The following HSPA1L variants were observed in gnomAD, a reference collection of about 807,000 sequenced individuals.
The protein encoded by HSPA1L is heat shock protein family A (Hsp70) member 1 like.
HSPA1L carries 21 observed loss-of-function variants against 31.5 expected under a neutral mutation model. The observed-to-expected ratio is 0.67, with a 90% CI of 0.47 to 0.96. The LOEUF is 0.96. Among genes scored for constraint, HSPA1L ranks in the 40% least tolerant of loss-of-function variants. HSPA1L has a pLI of 0.00. For missense variants in HSPA1L, 709 were observed against 813.4 expected (o/e 0.87, Z 1.56); for synonymous variants, 293 against 323.1 (o/e 0.91, Z 1.00).
rs1222406248 is a variant in HSPA1L at position 31,810,679 on chromosome 6, T to C, written c.1294A>G (p.Thr432Ala). 9 of 1,613,950 alleles carry C rather than the reference T, an allele frequency of 5.6e-6. 2 individuals are homozygous for C. The South Asian group carries it at 9.9e-5, about 18-fold the overall frequency. ...IPTKQTQIFT[T>A]YSDNQPGVLI... is the part of the protein sequence containing the mutation. ...ACCCCGGGTTGGTTGTCAGAGTAGGTGGTGAAAATCTGTGTCTGCTTGGTG... is the reference window on the plus strand; with the variant it reads ...ACCCCGGGTTGGTTGTCAGAGTAGGCGGTGAAAATCTGTGTCTGCTTGGTG... Residue 432 changes from threonine to alanine, a missense_variant, in exon 2 of 2, where the codon ACC becomes GCC. Thr to Ala is a moderately conservative substitution (Grantham distance 58). Coordinates refer to ENST00000375654, the MANE Select transcript of HSPA1L (RefSeq NM_005527.4).
intron 1 of HSPA1L, among the ~76,000 whole-genome samples, chr6:31,814,374 T>C (rs1398884520): frequency 6.6e-6 from 1 of 151,864 alleles, no homozygotes; most frequent in African/African-American, 2.4e-5. Context: ...CCGGGCGCGG[T>C]GGCGGGCGCC....
At position 31,810,010 on chromosome 6, in the gene HSPA1L, G is replaced by T. The variant is rs763160909; in HGVS notation, c.*37C>A. The T allele has an allele frequency of 3.7e-6, 5 of 1,361,536 alleles. No homozygotes were observed. The Admixed American group carries it at 1.4e-4, about 37-fold the overall frequency. 84.3% of individuals were successfully genotyped at this position (1,361,536 alleles called of 1,614,324 possible). ...TGAAGATGAGGGGAATGAAATACAT[G>T]TAGAGGCATCCTAGGATGCTTCAGT... On this transcript the variant is annotated 3_prime_UTR_variant, in exon 2 of 2. Transcript: ENST00000375654.
chr6:31,810,750 G>A lies in HSPA1L; in HGVS notation c.1223C>T (p.Ala408Val). The A allele has an allele frequency of 6.2e-7, 1 of 1,614,052 alleles. No individual in the cohort carries two copies. The highest frequency in any genetic ancestry group is 8.5e-7 in the Non-Finnish European group (1 of 1,180,008). Reference sequence around the variant, plus strand: ...TATCAGGGCAGTCATCACGCCCCCAGCCGTCTCCAGCCCCAGGGACAGGGG... The same window carrying A: ...TATCAGGGCAGTCATCACGCCCCCAACCGTCTCCAGCCCCAGGGACAGGGG... ...VAPLSLGLET[A>V]GGVMTALIKR... is the part of the protein sequence containing the mutation. The change falls in exon 2 of 2, where the codon GCT (alanine) becomes GTT (valine). Residue 408 changes from alanine to valine, a missense_variant. Coordinates refer to ENST00000375654, the MANE Select transcript of HSPA1L (RefSeq NM_005527.4).
At position 31,811,698 on chromosome 6, in the gene HSPA1L, C is replaced by T; in HGVS notation, c.275G>A (p.Trp92Ter). ...TCCTTCATTAATCACTTGAAAAGGC[C>T]AAAGTTTCATATCTGCTTGTACAAC... ...DPVVQADMKL[W>*]PFQVINEGGK... is the part of the protein sequence containing the mutation. Residue 92 changes from tryptophan (W) to a stop codon, truncating the protein, a stop_gained, in exon 2 of 2, where the codon TGG (tryptophan) becomes TAG (stop). Transcript: ENST00000375654. LOFTEE classifies it high-confidence loss of function. The T allele has an allele frequency of 6.2e-7, 1 of 1,614,136 alleles. No homozygotes were observed. Among genetic ancestry groups the T allele is most frequent in the Non-Finnish European group, 8.5e-7 (1 of 1,180,030 alleles).
Position 31,811,762 on chromosome 6 carries a change from C to CAA in HSPA1L, c.209_210dup (p.Asp71LeufsTer6), listed in dbSNP as rs781443695. 6.2e-7 allele frequency: 1 copy of CAA among 1,614,188 alleles called. No homozygotes were observed. Among genetic ancestry groups the CAA allele is most frequent in the South Asian group, 1.1e-5 (1 of 91,084 alleles). On this transcript the variant is annotated frameshift_variant, in exon 2 of 2. Coordinates refer to ENST00000375654, the MANE Select transcript of HSPA1L (RefSeq NM_005527.4). LOFTEE classifies it high-confidence loss of function. The stretch of plus-strand genomic sequence containing the variant: ...TTCCTGCCGATCAGACGTTTAGCAT[C>CAA]AAAAACAGTGTTCTGGGGATTCATT...
Position 31,811,788 on chromosome 6 carries a change from G to A in HSPA1L, c.185C>T (p.Ala62Val). The A allele has an allele frequency of 6.2e-7, 1 of 1,614,142 alleles. No homozygotes were observed. Among genetic ancestry groups the A allele is most frequent in the Non-Finnish European group, 8.5e-7 (1 of 1,180,040 alleles). ...LIGDAAKNQV[A>V]MNPQNTVFDA... Reference sequence around the variant, plus strand: ...AAAAACAGTGTTCTGGGGATTCATTGCTACCTGGTTCTTGGCCGCATCCCC... The same window carrying A: ...AAAAACAGTGTTCTGGGGATTCATTACTACCTGGTTCTTGGCCGCATCCCC... The change falls in exon 2 of 2, where the codon GCA (alanine) becomes GTA (valine). Residue 62 changes from alanine (A) to valine (V), a missense_variant. Transcript: ENST00000375654.
chr6:31,814,528 AAAAT>A (rs1815720084), intron 1 of HSPA1L, among the ~76,000 whole-genome samples: 1 of 151,540 alleles, frequency 6.6e-6, no homozygotes, highest in East Asian at 1.9e-4. Context: ...AAAAAAATTA[AAAAT>A]AAATAAATAA....
rs769994484 is a variant in HSPA1L at position 31,811,174 on chromosome 6, T to C, written c.799A>G (p.Thr267Ala). The change falls in exon 2 of 2, where the codon ACC becomes GCC. Residue 267 changes from threonine to alanine, a missense_variant. Thr to Ala is a moderately conservative substitution (Grantham distance 58). Coordinates refer to ENST00000375654, the MANE Select transcript of HSPA1L (RefSeq NM_005527.4). ...QNKRAVRRLR[T>A]ACERAKRTLS... ...GTCCTCTTGGCCCTCTCGCAGGCGG[T>C]GCGCAGCCGCCTCACGGCTCGCTTG... 3.5e-5 allele frequency: 56 copies of C among 1,614,076 alleles called. No homozygotes were observed. In the East Asian group the frequency reaches 1.2e-3, roughly 35 times the overall value.
intron 1 of HSPA1L, among the ~76,000 whole-genome samples, chr6:31,814,163 C>CT (rs572487678): frequency 1.7e-3 from 264 of 152,330 alleles, no homozygotes; most frequent in African/African-American, 5.9e-3. Flanking sequence ...AATCCCAGCA[C>CT]TTTGAGAGGC....
Position 31,811,921 on chromosome 6 carries a change from A to G in HSPA1L, c.52T>C (p.Ser18Pro), listed in dbSNP as rs1562343316. The part of the protein sequence containing the change: ...AIGIDLGTTY[S>P]CVGVFQHGKV... ...CCGTGCTGGAACACCCCCACACAGGAGTAGGTGGTGCCCAGGTCGATGCCT... is the reference window on the plus strand; with the variant it reads ...CCGTGCTGGAACACCCCCACACAGGGGTAGGTGGTGCCCAGGTCGATGCCT... The change falls in exon 2 of 2, where the codon TCC (serine) becomes CCC (proline). Residue 18 changes from serine to proline, a missense_variant. Physicochemically the swap from Ser to Pro is moderately conservative, Grantham distance 74. Coordinates refer to ENST00000375654, the MANE Select transcript of HSPA1L (RefSeq NM_005527.4). 6.2e-7 allele frequency: 1 copy of G among 1,614,150 alleles called. No homozygotes were observed. Among genetic ancestry groups the G allele is most frequent in the Admixed American group, 1.7e-5 (1 of 60,014 alleles).
In HSPA1L at chr6:31,815,004, C is replaced by A; in HGVS notation, c.-129G>T. 1 of 311,838 alleles carries A rather than the reference C, an allele frequency of 3.2e-6. No individual in the cohort carries two copies. Among genetic ancestry groups the A allele is most frequent in the Non-Finnish European group, 4.4e-6 (1 of 227,010 alleles). 19.3% of individuals were successfully genotyped at this position (311,838 alleles called of 1,614,324 possible). On this transcript the variant is annotated 5_prime_UTR_variant, in exon 1 of 2. Coordinates refer to ENST00000375654, the MANE Select transcript of HSPA1L (RefSeq NM_005527.4). The stretch of plus-strand genomic sequence containing the variant: ...ACAACCGGGGTCCCCCCACCCCCCA[C>A]CCCGTCCCTCCCTGCAAATTTGAGA...
Position 31,810,028 on chromosome 6 carries a change from G to T in HSPA1L, c.*19C>A. 1 of 1,406,890 alleles carries T rather than the reference G, an allele frequency of 7.1e-7. No individual in the cohort carries two copies. 87.2% of individuals were successfully genotyped at this position (1,406,890 alleles called of 1,614,324 possible). ...AATACATGTAGAGGCATCCTAGGAT[G>T]CTTCAGTTCTAAAAAGAATTAATCT... is the stretch of plus-strand genomic sequence containing the variant. On this transcript the variant is annotated 3_prime_UTR_variant, in exon 2 of 2. Coordinates refer to ENST00000375654, the MANE Select transcript of HSPA1L (RefSeq NM_005527.4).
At position 31,815,264 on chromosome 6, in the gene HSPA1L, G is replaced by A. The variant is rs1270012904; in HGVS notation, c.-389C>T. 6.6e-6 allele frequency among the ~76,000 whole-genome samples: 1 copy of A among 152,130 alleles called. No homozygotes were observed. Among genetic ancestry groups the A allele is most frequent in the Non-Finnish European group, 1.5e-5 (1 of 68,032 alleles). On this transcript the variant is annotated 5_prime_UTR_variant, in exon 1 of 2. Coordinates refer to ENST00000375654, the MANE Select transcript of HSPA1L (RefSeq NM_005527.4). ...TTAGGCGCTGAAGCGCAGGCGGTCA[G>A]CATCGCCATGGAGACCAACACCCTT...
chr6:31,811,388 T>A lies in HSPA1L; in HGVS notation c.585A>T (p.Arg195=), dbSNP rs1231877501. ...YGLDKGGQGE[R]HVLIFDLGGG... ...CACCCAGATCAAAAATCAGGACATG[T>A]CGTTCTCCTTGACCTCCTTTATCTA... The change falls in exon 2 of 2, where the codon CGA becomes CGT. Residue 195 remains arginine, a synonymous_variant. Coordinates refer to ENST00000375654, the MANE Select transcript of HSPA1L (RefSeq NM_005527.4). 1.2e-6 allele frequency: 2 copies of A among 1,613,992 alleles called. No homozygotes were observed. The highest frequency in any genetic ancestry group is 1.7e-6 in the Non-Finnish European group (2 of 1,180,000).
chr6:31,810,585 A>G lies in HSPA1L; in HGVS notation c.1388T>C (p.Leu463Pro). 1 of 1,613,958 alleles carries G rather than the reference A, an allele frequency of 6.2e-7. No individual in the cohort carries two copies. Among genetic ancestry groups the G allele is most frequent in the Non-Finnish European group, 8.5e-7 (1 of 1,179,934 alleles). ...CCTGGGTGCTGGAGGGATTCCAGTC[A>G]GGTCAAACCGCCCCAGCAGGTTGTT... ...KDNNLLGRFD[L>P]TGIPPAPRGV... The change falls in exon 2 of 2, where the codon CTG (leucine) becomes CCG (proline). Residue 463 changes from leucine (L) to proline (P), a missense_variant. Coordinates refer to ENST00000375654, the MANE Select transcript of HSPA1L (RefSeq NM_005527.4).
Position 31,810,522 on chromosome 6 carries a change from G to A in HSPA1L, c.1451C>T (p.Ala484Val), listed in dbSNP as rs548364201. ...PQIEVTFDIDANGILNVTATD... is the reference protein window; with the variant it reads ...PQIEVTFDIDVNGILNVTATD... ...GGCTGTGACATTGAGAATACCATTG[G>A]CATCAATGTCAAACGTCACCTCGAT... Residue 484 changes from alanine (A) to valine (V), a missense_variant, in exon 2 of 2, where the codon GCC (alanine) becomes GTC (valine). By Grantham distance (64) the Ala-to-Val change is moderately conservative. Coordinates refer to ENST00000375654, the MANE Select transcript of HSPA1L (RefSeq NM_005527.4). The A allele has an allele frequency of 1.9e-6, 3 of 1,613,032 alleles. No individual in the cohort carries two copies. Among genetic ancestry groups the A allele is most frequent in the Non-Finnish European group, 2.5e-6 (3 of 1,179,460 alleles).
intron 1 of HSPA1L, among the ~76,000 whole-genome samples, chr6:31,814,402 GGA>G (rs1320331699): frequency 7.2e-5 from 11 of 151,838 alleles, no homozygotes. Flanking sequence ...CCTGCTACTC[GGA>G]AGGCTGAGGC....
Position 31,810,872 on chromosome 6 carries a change from A to G in HSPA1L, c.1101T>C (p.Pro367=), listed in dbSNP as rs1581694692. The change falls in exon 2 of 2, where the codon CCT becomes CCC. Residue 367 remains proline, a synonymous_variant. Transcript: ENST00000375654. ...CAGCCCCATATGCTACGGCCTCATC[A>G]GGGTTGATGCTCTTGTTGAGATCAC... ...NGRDLNKSIN[P]DEAVAYGAAV... is the part of the protein sequence containing the mutation. 1 of 1,614,084 alleles carries G rather than the reference A, an allele frequency of 6.2e-7. No individual in the cohort carries two copies. The highest frequency in any genetic ancestry group is 8.5e-7 in the Non-Finnish European group (1 of 1,180,012).
intron 1 of HSPA1L, among the ~76,000 whole-genome samples, chr6:31,814,060 C>A (rs1199138421): frequency 6.6e-6 from 1 of 152,222 alleles, no homozygotes; most frequent in Non-Finnish European, 1.5e-5. Flanking sequence ...CAGACAGTAT[C>A]TGTATCCTTC....
Sources: gnomAD v4.1 joint callset for allele counts (sites outside exome capture counted in the v4.1 genomes callset) on GRCh38, gnomAD v4.1.1 for gene constraint, MANE v1.5 for transcripts, NCBI Gene and HGNC (gene_info 2026-07-23, HGNC 2026-07-21) for gene names.